SCD5: variants seen among roughly 807,000 people sequenced by gnomAD.
SCD5 encodes the protein stearoyl-CoA desaturase 5.
A neutral mutation model predicts 30.4 loss-of-function variants in SCD5; 20 were observed. The observed-to-expected ratio is 0.66, with a 90% CI of 0.46 to 0.96. The LOEUF is 0.96. SCD5 is among the 40% of genes least tolerant of loss of function. The pLI is 0.00. For synonymous variants in SCD5, 173 were observed against 176.4 expected (o/e 0.98, Z 0.16); for missense variants, 381 against 443.3 (o/e 0.86, Z 1.26).
chr4:82,775,311 T>A (rs951520925), intron 1 of SCD5: 1 of 152,376 alleles, frequency 6.6e-6, no homozygotes, highest in African/African-American at 2.4e-5. Flanking sequence ...GCTGGAGCTA[T>A]GGAAGCTCAG....
chr4:82,705,564 C>T (rs1200551991), intron 1 of SCD5, 151 bp from the exon 2 acceptor site: 2 of 1,105,640 alleles, frequency 1.8e-6, no homozygotes, highest in Admixed American at 5.3e-5. Flanking sequence ...GAGGAGGCAG[C>T]CTTTTTATTG....
intron 1 of SCD5, among the ~76,000 whole-genome samples, chr4:82,742,615 C>T (rs902000340): frequency 7.9e-5 from 12 of 152,112 alleles, no homozygotes; most frequent in African/African-American, 2.7e-4. Context: ...GGCAAAACTC[C>T]GTTTCTACTA....
chr4:82,768,863 T>C (rs1721551878), intron 1 of SCD5, among the ~76,000 whole-genome samples: 1 of 151,870 alleles, frequency 6.6e-6, no homozygotes, highest in Non-Finnish European at 1.5e-5. Flanking sequence ...AGGTGTAGTG[T>C]GAAGGTGGAA....
intron 1 of SCD5, among the ~76,000 whole-genome samples, chr4:82,734,698 AGCTGTATTGTTGCT>A (rs1452688111): frequency 6.6e-6 from 1 of 152,050 alleles, no homozygotes; most frequent in East Asian, 1.9e-4. Context: ...ATCTCTTTTT[AGCTGTATTGTTGCT>A]TGGGCTTTTT....
chr4:82,692,889 T>G lies in SCD5; in HGVS notation c.364-11977A>C, dbSNP rs568533352. ...GGTCTGCCTTGGCCCACAAGCTGGC[T>G]TCCCTGAGGGAGAGGCTGAAGCTGG... On this transcript the variant is annotated intron_variant, in intron 2 of 4. Transcript: ENST00000319540. Among the ~76,000 whole-genome samples the G allele has an allele frequency of 2.0e-5, 3 of 152,276 alleles. No individual in the cohort carries two copies. In the South Asian group the frequency reaches 6.2e-4, roughly 32 times the overall value.
intron 1 of SCD5, among the ~76,000 whole-genome samples, chr4:82,770,082 C>T (rs1360954792): frequency 3.3e-5 from 5 of 152,162 alleles, no homozygotes; most frequent in East Asian, 1.9e-4. Context: ...GTGTGCACAA[C>T]GTGCAGGTTT....
Position 82,798,450 on chromosome 4 carries a change from C to A in SCD5, c.88G>T (p.Gly30Cys). 4.3e-6 allele frequency: 7 copies of A among 1,613,100 alleles called. No homozygotes were observed. The highest frequency in any genetic ancestry group is 5.9e-6 in the Non-Finnish European group (7 of 1,179,584). Residue 30 changes from glycine to cysteine, a missense_variant, in exon 1 of 5, where the codon GGC becomes TGC. Gly to Cys is a radical substitution (Grantham distance 159). Coordinates refer to ENST00000319540, the MANE Select transcript of SCD5 (RefSeq NM_001037582.3). The part of the protein sequence containing the change: ...IRAGLESSEG[G>C]GGPERPGARG... ...GCGCCTGGCCTCTCCGGGCCGCCGCCGCCCTCAGAGCTTTCGAGCCCGGCA... is the reference window on the plus strand; with the variant it reads ...GCGCCTGGCCTCTCCGGGCCGCCGCAGCCCTCAGAGCTTTCGAGCCCGGCA...
At chr4:82,659,323 T>C (rs2148816413) in intron 3 of SCD5, among the ~76,000 whole-genome samples, 1 of 152,342 alleles carries the variant, frequency 6.6e-6, no homozygotes, top group African/African-American at 2.4e-5. Context: ...TTCGTGTCTC[T>C]ATCTCCTTCA....
At chr4:82,742,683 T>A (rs1720901609) in intron 1 of SCD5, among the ~76,000 whole-genome samples, 1 of 152,088 alleles carries the variant, frequency 6.6e-6, no homozygotes, top group African/African-American at 2.4e-5. Context: ...GCTACTCAGG[T>A]GGCTGAGGCA....
In SCD5 at chr4:82,687,683, T is replaced by C. The variant is rs1274742923; in HGVS notation, c.364-6771A>G. ...TGATTGATAACATACCTAAGTGGGG[T>C]CTCCACTGAAACTGTAGAAATTGAA... On this transcript the variant is annotated intron_variant, in intron 2 of 4. Coordinates refer to ENST00000319540, the MANE Select transcript of SCD5 (RefSeq NM_001037582.3). Among the ~76,000 whole-genome samples the C allele has an allele frequency of 2.0e-5, 3 of 152,162 alleles. No homozygotes were observed. The East Asian group carries it at 5.8e-4, about 29-fold the overall frequency.
chr4:82,653,987 G>A (rs2148815353), intron 3 of SCD5, among the ~76,000 whole-genome samples: 1 of 151,872 alleles, frequency 6.6e-6, no homozygotes, highest in Admixed American at 6.6e-5. Context: ...GCACAATCTG[G>A]GCTCACCGCA....
intron 1 of SCD5, among the ~76,000 whole-genome samples, chr4:82,787,151 G>A (rs1484869296): frequency 6.6e-6 from 1 of 152,144 alleles, no homozygotes; most frequent in Non-Finnish European, 1.5e-5. Context: ...CAAAATCTGA[G>A]GCAAGAGAAC....
At chr4:82,648,057 A>G (rs2868384) in intron 3 of SCD5, among the ~76,000 whole-genome samples, 137,443 of 152,274 alleles carry the variant, frequency 0.9, 62,110 homozygotes, top group East Asian at 1. Flanking sequence ...CAAGTCCACG[A>G]AAAGAGAGTG....
At chr4:82,749,659 A>G (rs1251661945) in intron 1 of SCD5, among the ~76,000 whole-genome samples, 1 of 152,224 alleles carries the variant, frequency 6.6e-6, no homozygotes, top group East Asian at 1.9e-4. Context: ...GACAGAAACC[A>G]TATCGTGAAA....
intron 1 of SCD5, among the ~76,000 whole-genome samples, chr4:82,774,275 C>G (rs1178493493): frequency 6.6e-6 from 1 of 151,356 alleles, no homozygotes; most frequent in Non-Finnish European, 1.5e-5. Context: ...TACATCTAAA[C>G]GTTGGAATAC....
chr4:82,770,038 T>A (rs1427393004), intron 1 of SCD5, among the ~76,000 whole-genome samples: 1 of 152,228 alleles, frequency 6.6e-6, no homozygotes, highest in Non-Finnish European at 1.5e-5. Flanking sequence ...TTATTTATTT[T>A]TTATTTTTTA....
rs1199912070 is a variant in SCD5 at position 82,714,661 on chromosome 4, A to G, written c.233-9248T>C. On this transcript the variant is annotated intron_variant, in intron 1 of 4. Coordinates refer to ENST00000319540, the MANE Select transcript of SCD5 (RefSeq NM_001037582.3). ...GGAGCCAGGTCTGGAAGGGACTCAT[A>G]TAGGTTGAGCATCCCTAATCTGAAA... Among the ~76,000 whole-genome samples, 3 of 152,134 alleles carry G rather than the reference A, an allele frequency of 2.0e-5. No homozygotes were observed. In the East Asian group the frequency reaches 5.8e-4, roughly 29 times the overall value.
intron 3 of SCD5, among the ~76,000 whole-genome samples, chr4:82,647,080 T>C (rs1009604737): frequency 2.0e-4 from 31 of 152,182 alleles, no homozygotes; most frequent in African/African-American, 7.5e-4. Flanking sequence ...CCATCTTGGC[T>C]TCCCAAAGTG....
chr4:82,684,788 CTT>C (rs1443164315), intron 2 of SCD5, among the ~76,000 whole-genome samples: 1 of 152,110 alleles, frequency 6.6e-6, no homozygotes, highest in Non-Finnish European at 1.5e-5. Context: ...GCTGATAGCT[CTT>C]GTCTAAAACT....
Sources: allele counts gnomAD v4.1 joint callset (sites outside exome capture counted in the v4.1 genomes callset), GRCh38; gene constraint gnomAD v4.1.1; transcripts MANE v1.5; gene names NCBI Gene and HGNC (gene_info 2026-07-23, HGNC 2026-07-21).